Variants in MINDY4 observed in about 807,000 individuals in gnomAD.
MINDY4 encodes the protein MINDY lysine 48 deubiquitinase 4, also known as probable ubiquitin carboxyl-terminal hydrolase MINDY-4.
In MINDY4, 68 loss-of-function variants were observed where a neutral mutation model predicts 87.0. The observed-to-expected ratio is 0.78, with a 90% CI of 0.64 to 0.96. MINDY4 has a LOEUF of 0.96. Ranked by LOEUF, MINDY4 falls within the 40% of genes least tolerant of loss-of-function variation. MINDY4 has a pLI of 0.00. For missense variants in MINDY4, 919 were observed against 928.2 expected (o/e 0.99, Z 0.13); for synonymous variants, 379 against 363.2 (o/e 1.04, Z -0.50).
chr7:30,851,457 T>G (rs1393062714), intron 10 of MINDY4, among the ~76,000 whole-genome samples: 2 of 152,228 alleles, frequency 1.3e-5, no homozygotes, highest in Non-Finnish European at 2.9e-5. Flanking sequence ...AATCATTTTA[T>G]CAATATGAAT....
intron 13 of MINDY4, among the ~76,000 whole-genome samples, chr7:30,871,242 C>G (rs2128578244): frequency 6.6e-6 from 1 of 152,342 alleles, no homozygotes; most frequent in Admixed American, 6.5e-5. Flanking sequence ...CTTCCCACAT[C>G]TATAAAATAG....
Position 30,830,670 on chromosome 7 carries a change from A to G in MINDY4, c.1132+1933A>G, listed in dbSNP as rs530463466. 2.0e-5 allele frequency among the ~76,000 whole-genome samples: 3 copies of G among 152,302 alleles called. No individual in the cohort carries two copies. In the South Asian group the frequency reaches 6.2e-4, roughly 32 times the overall value. ...CCCCATGATTCAATTACCTCCCATC[A>G]GTTCCCTCCTATGACATGTGGGGAT... On this transcript the variant is annotated intron_variant, in intron 6 of 17. Transcript: ENST00000265299.
chr7:30,802,851 A>AAACC (rs1787697743), intron 5 of MINDY4, among the ~76,000 whole-genome samples: 1 of 151,682 alleles, frequency 6.6e-6, no homozygotes, highest in East Asian at 1.9e-4. Flanking sequence ...CCGACCAACC[A>AAACC]AACCAACCAA....
intron 16 of MINDY4, 138 bp from the exon 17 acceptor site, chr7:30,882,783 G>T: frequency 1.4e-6 from 1 of 719,388 alleles, no homozygotes; most frequent in Non-Finnish European, 2.4e-6. Flanking sequence ...GGATGTCAGG[G>T]ATGAGGGTGG....
At chr7:30,868,455 G>A (rs931382389) in intron 13 of MINDY4, among the ~76,000 whole-genome samples, 11 of 152,236 alleles carry the variant, frequency 7.2e-5, no homozygotes, top group African/African-American at 2.7e-4. Context: ...CTGAGACTAT[G>A]CAGATTCGAA....
At chr7:30,885,229 C>CT (rs1790593052) in intron 17 of MINDY4, among the ~76,000 whole-genome samples, 1 of 152,194 alleles carries the variant, frequency 6.6e-6, no homozygotes, top group African/African-American at 2.4e-5. Flanking sequence ...TCAGAGTCAC[C>CT]TGGAGAATAT....
intron 7 of MINDY4, 147 bp downstream of exon 7, chr7:30,836,911 T>C: frequency 3.1e-6 from 2 of 642,524 alleles, no homozygotes; most frequent in Non-Finnish European, 5.4e-6. Flanking sequence ...TAGAAGAAAA[T>C]GTGAACCGAG....
intron 15 of MINDY4, among the ~76,000 whole-genome samples, chr7:30,876,439 C>T (rs900180130): frequency 6.6e-6 from 1 of 152,176 alleles, no homozygotes; most frequent in African/African-American, 2.4e-5. Context: ...TTTTTGGAGG[C>T]ACAGTTCAAC....
chr7:30,880,581 T>TGGGAGA (rs1790434992), intron 15 of MINDY4, among the ~76,000 whole-genome samples: 1 of 152,106 alleles, frequency 6.6e-6, no homozygotes. Flanking sequence ...CTCCCTGCCG[T>TGGGAGA]GAATGAATGC....
intron 15 of MINDY4, among the ~76,000 whole-genome samples, chr7:30,881,618 G>C (rs1013753145): frequency 9.2e-5 from 14 of 152,286 alleles, no homozygotes; most frequent in African/African-American, 2.9e-4. Context: ...ATGATCTGTC[G>C]AGCATGAGGC....
rs190358286 is a variant in MINDY4 at position 30,885,216 on chromosome 7, G to A, written c.2225+2223G>A. ...GAGCAGTGGCCTTCAAGCTTCAGGG[G>A]CATCAGAGTCACCTGGAGAATATGT... is the stretch of plus-strand genomic sequence containing the variant. On this transcript the variant is annotated intron_variant, in intron 17 of 17. Coordinates refer to ENST00000265299, the MANE Select transcript of MINDY4 (RefSeq NM_032222.3). Among the ~76,000 whole-genome samples the A allele has an allele frequency of 2.1e-3, 325 of 152,298 alleles. 1 individual carries two copies. Among genetic ancestry groups the A allele is most frequent in the African/African-American group, 7.2e-3 (298 of 41,562 alleles).
chr7:30,833,470 CA>C (rs1788767508), intron 6 of MINDY4, among the ~76,000 whole-genome samples: 1 of 152,216 alleles, frequency 6.6e-6, no homozygotes. Flanking sequence ...TTATCTCCCA[CA>C]GTGTCCTTCC....
chr7:30,772,859 C>T (rs1786686631), intron 1 of MINDY4, among the ~76,000 whole-genome samples: 1 of 152,120 alleles, frequency 6.6e-6, no homozygotes, highest in Admixed American at 6.5e-5. Flanking sequence ...TTAGAGAGGG[C>T]TTCCTCGTGT....
chr7:30,888,990 G>C (rs1412751578), intron 17 of MINDY4, among the ~76,000 whole-genome samples: 1 of 152,152 alleles, frequency 6.6e-6, no homozygotes, highest in Non-Finnish European at 1.5e-5. Context: ...GCTCATACGA[G>C]GTACTTCAGT....
chr7:30,782,171 T>G lies in MINDY4; in HGVS notation c.378T>G (p.Asp126Glu), dbSNP rs1787024899. Reference sequence around the variant, plus strand: ...ATATATATGACCTTTCAGATGAAGATGCAGGATGGAGAACATCATTGTCAG... The same window carrying G: ...ATATATATGACCTTTCAGATGAAGAGGCAGGATGGAGAACATCATTGTCAG... Reference protein sequence around the residue: ...LVNIYDLSDEDAGWRTSLSET... With the variant: ...LVNIYDLSDEEAGWRTSLSET... The change falls in exon 3 of 18, where the codon GAT becomes GAG. Residue 126 changes from aspartate to glutamate, a missense_variant. Transcript: ENST00000265299. 1 of 1,613,832 alleles carries G rather than the reference T, an allele frequency of 6.2e-7. No homozygotes were observed. Among genetic ancestry groups the G allele is most frequent in the Non-Finnish European group, 8.5e-7 (1 of 1,179,976 alleles).
chr7:30,779,660 G>A (rs1392561648), intron 2 of MINDY4: 2 of 152,202 alleles, frequency 1.3e-5, no homozygotes, highest in African/African-American at 2.4e-5. Flanking sequence ...CTCTCAGGAG[G>A]GGGAGCTGTG....
At chr7:30,863,651 G>T (rs898087264) in intron 13 of MINDY4, among the ~76,000 whole-genome samples, 7 of 152,106 alleles carry the variant, frequency 4.6e-5, no homozygotes, top group Non-Finnish European at 8.8e-5. Flanking sequence ...GGACATCATG[G>T]ACAGATGTAA....
chr7:30,889,504 C>T lies in MINDY4; in HGVS notation c.2226-2453C>T, dbSNP rs566609759. 5.3e-5 allele frequency among the ~76,000 whole-genome samples: 8 copies of T among 152,294 alleles called. No homozygotes were observed. The South Asian group carries it at 1.0e-3, about 20-fold the overall frequency. ...AGTATCAGCAATGGGCACTCACTGC[C>T]GAGGAGAAGTCTGACTTCACCAAGC... On this transcript the variant is annotated intron_variant, in intron 17 of 17. Coordinates refer to ENST00000265299, the MANE Select transcript of MINDY4 (RefSeq NM_032222.3).
chr7:30,792,644 A>C (rs578241539), intron 5 of MINDY4, among the ~76,000 whole-genome samples: 2 of 152,286 alleles, frequency 1.3e-5, no homozygotes, highest in Admixed American at 1.3e-4. Flanking sequence ...TATTGGTATA[A>C]AATTGTATAA....
Sources: allele counts gnomAD v4.1 joint callset (sites outside exome capture counted in the v4.1 genomes callset), GRCh38; gene constraint gnomAD v4.1.1; transcripts MANE v1.5; gene names NCBI Gene and HGNC (gene_info 2026-07-23, HGNC 2026-07-21).